The following TMEM117 variants were observed in gnomAD, a reference collection of about 807,000 sequenced individuals.
TMEM117 encodes transmembrane protein 117.
Under a neutral mutation model 52.4 loss-of-function variants are expected in TMEM117, and 27 were observed. That is an observed-to-expected ratio of 0.51 (90% CI 0.38 to 0.71). TMEM117 has a LOEUF of 0.71. Ranked by LOEUF, TMEM117 falls within the 30% of genes least tolerant of loss-of-function variation. The probability of loss-of-function intolerance (pLI) is 0.00; values close to 1 mark genes in which losing one functional copy is unlikely to be tolerated. For synonymous variants in TMEM117, 215 were observed against 206.3 expected, an observed-to-expected ratio of 1.04 and a Z score of -0.36; for missense variants, 556 against 630.5, an observed-to-expected ratio of 0.88 and a Z score of 1.26.
In TMEM117 at chr12:44,388,066, T is replaced by C. The variant is rs747371667; in HGVS notation, c.939T>C (p.Ile313=). The C allele has an allele frequency of 4.3e-6, 7 of 1,612,244 alleles. No homozygotes were observed. Among genetic ancestry groups the C allele is most frequent in the Non-Finnish European group, 5.9e-6 (7 of 1,179,138 alleles). The change falls in exon 8 of 8, where the codon ATT becomes ATC. Residue 313 remains isoleucine, a synonymous_variant. Coordinates refer to ENST00000266534, the MANE Select transcript of TMEM117 (RefSeq NM_032256.3). ...FNYGIIFLVL[I]LDLNMWKNQI... is the part of the protein sequence containing the mutation. ...ATGGAATTATCTTCCTCGTCTTGAT[T>C]TTGGATCTTAATATGTGGAAGAACC...
intron 3 of TMEM117, among the ~76,000 whole-genome samples, chr12:44,043,518 T>C (rs897184798): frequency 5.9e-5 from 9 of 152,144 alleles, no homozygotes; most frequent in Non-Finnish European, 1.2e-4. Flanking sequence ...CCATCCTCCA[T>C]AGTGGCAACA....
At chr12:43,811,586 G>A in the TMEM117 span, among the ~76,000 whole-genome samples, 1 of 152,208 alleles carries the variant, frequency 6.6e-6, no homozygotes, top group Non-Finnish European at 1.5e-5. Flanking sequence ...AGACTGTTAA[G>A]TAAAAATATC....
intron 3 of TMEM117, among the ~76,000 whole-genome samples, chr12:44,001,871 C>T (rs892385357): frequency 2.6e-5 from 4 of 152,120 alleles, no homozygotes; most frequent in Admixed American, 2.0e-4. Flanking sequence ...AAATCTCAAG[C>T]TGGGATGTTT....
At chr12:44,288,380 T>G (rs1000468996) in intron 5 of TMEM117, among the ~76,000 whole-genome samples, 8 of 152,170 alleles carry the variant, frequency 5.3e-5, no homozygotes, top group African/African-American at 1.9e-4. Flanking sequence ...GCAGAATACC[T>G]CCTTTAATTT....
intron 3 of TMEM117, among the ~76,000 whole-genome samples, chr12:44,099,485 T>A (rs1369913798): frequency 2.6e-5 from 4 of 152,116 alleles, no homozygotes; most frequent in African/African-American, 4.8e-5. Context: ...TTACATTTTT[T>A]AAAAATAGTG....
rs1172608443 is a variant in TMEM117, at chr12:44,388,164, C to G, written c.1037C>G (p.Ser346Ter). 1 of 1,613,214 alleles carries G rather than the reference C, an allele frequency of 6.2e-7. No homozygotes were observed. Among genetic ancestry groups the G allele is most frequent in the South Asian group, 1.1e-5 (1 of 91,064 alleles). The change falls in exon 8 of 8, where the codon TCA becomes TGA. Residue 346 changes from serine (S) to a stop codon, truncating the protein, a stop_gained. Transcript: ENST00000266534. LOFTEE classifies it high-confidence loss of function. ...PGQKIYTVKD[S>*]ESLKDLNRTK... ...CAGAAGATATATACAGTGAAAGACT[C>G]AGAAAGTTTAAAAGATTTGAACAGA...
the TMEM117 span, among the ~76,000 whole-genome samples, chr12:43,824,667 G>A: frequency 2.6e-5 from 4 of 152,210 alleles, no homozygotes; most frequent in Admixed American, 1.3e-4. Context: ...CGGGCGCAGT[G>A]GCTCACGACT....
At chr12:43,895,749 A>G in intron 2 of TMEM117, among the ~76,000 whole-genome samples, 1 of 152,218 alleles carries the variant, frequency 6.6e-6, no homozygotes, top group East Asian at 1.9e-4. Context: ...TATTCCGTAC[A>G]CCATGCTAAA....
intron 3 of TMEM117, among the ~76,000 whole-genome samples, chr12:43,945,467 C>A (rs1451487115): frequency 1.3e-5 from 2 of 152,104 alleles, no homozygotes; most frequent in African/African-American, 4.8e-5. Context: ...ATTATAGGCG[C>A]CTGCCACCAC....
chr12:44,038,009 A>G (rs1946738047), intron 3 of TMEM117, among the ~76,000 whole-genome samples: 1 of 152,018 alleles, frequency 6.6e-6, no homozygotes, highest in Non-Finnish European at 1.5e-5. Flanking sequence ...GGAGCTACCC[A>G]CTGAGGGTCT....
intron 4 of TMEM117, among the ~76,000 whole-genome samples, chr12:44,155,791 G>T (rs1374697395): frequency 6.6e-6 from 1 of 152,058 alleles, no homozygotes; most frequent in African/African-American, 2.4e-5. Flanking sequence ...CAGAAAGTCT[G>T]CCCTTTGGTC....
chr12:44,265,336 C>G (rs1008646749), intron 5 of TMEM117, among the ~76,000 whole-genome samples: 2 of 151,588 alleles, frequency 1.3e-5, no homozygotes, highest in South Asian at 4.2e-4. Context: ...GTAGGGTATT[C>G]GGATTTCATT....
chr12:44,132,291 T>C (rs549250105), intron 3 of TMEM117, among the ~76,000 whole-genome samples: 2 of 151,960 alleles, frequency 1.3e-5, no homozygotes, highest in South Asian at 4.2e-4. Flanking sequence ...ACACACCCTT[T>C]GTATTTTAAA....
the TMEM117 span, among the ~76,000 whole-genome samples, chr12:43,808,682 A>C: frequency 6.6e-6 from 1 of 151,942 alleles, no homozygotes; most frequent in Admixed American, 6.6e-5. Flanking sequence ...GGGATGGCTG[A>C]CACCTGTAGT....
chr12:43,812,722 G>A, the TMEM117 span, among the ~76,000 whole-genome samples: 2 of 152,000 alleles, frequency 1.3e-5, no homozygotes, highest in African/African-American at 2.4e-5. Flanking sequence ...AAGAGAAGCC[G>A]AGGTCGGGTG....
intron 6 of TMEM117, among the ~76,000 whole-genome samples, chr12:44,340,090 T>C (rs1181592649): frequency 6.6e-6 from 1 of 152,040 alleles, no homozygotes; most frequent in East Asian, 1.9e-4. Flanking sequence ...ATAGAAATAA[T>C]TTAATATAAA....
chr12:44,156,186 A>G (rs1485391027), intron 4 of TMEM117, among the ~76,000 whole-genome samples: 1 of 152,128 alleles, frequency 6.6e-6, no homozygotes, highest in East Asian at 1.9e-4. Context: ...CCTTACCAGC[A>G]TGGATTCAGA....
chr12:43,944,623 G>A (rs1945099498), intron 3 of TMEM117, among the ~76,000 whole-genome samples: 1 of 152,064 alleles, frequency 6.6e-6, no homozygotes, highest in Non-Finnish European at 1.5e-5. Context: ...TGACAAGGGG[G>A]TATGAGAATC....
chr12:43,888,284 A>G (rs187865538), intron 2 of TMEM117, among the ~76,000 whole-genome samples: 13 of 152,328 alleles, frequency 8.5e-5, no homozygotes, highest in African/African-American at 2.4e-4. Flanking sequence ...CTCAGTAAAG[A>G]CTAATTTACT....
Sources: gnomAD v4.1 joint callset for allele counts (sites outside exome capture counted in the v4.1 genomes callset) on GRCh38, gnomAD v4.1.1 for gene constraint, MANE v1.5 for transcripts, NCBI Gene and HGNC (gene_info 2026-07-23, HGNC 2026-07-21) for gene names.